Variants in MTARC2 observed in about 807,000 individuals in gnomAD.
MTARC2 encodes the protein MOCO sulphurase C-terminal domain containing 2.
In MTARC2, 27 loss-of-function variants were observed where a neutral mutation model predicts 35.6. That is an observed-to-expected ratio of 0.76 (90% CI 0.56 to 1.04). The LOEUF (loss-of-function observed/expected upper bound fraction) is 1.04. Ranked by LOEUF, MTARC2 falls within the 50% of genes least tolerant of loss-of-function variation. The pLI is 0.00. For synonymous variants in MTARC2, 158 were observed against 167.1 expected, an observed-to-expected ratio of 0.95 and a Z score of 0.42; for missense variants, 412 against 432.5, an observed-to-expected ratio of 0.95 and a Z score of 0.42.
intron 1 of MTARC2, 84 bp downstream of exon 1, chr1:220,748,887 G>A: frequency 2.8e-6 from 4 of 1,432,748 alleles, no homozygotes; most frequent in East Asian, 2.8e-5. Flanking sequence ...ATCTATCTGG[G>A]AAGGACTATA....
At chr1:220,758,423 C>CT (rs35433433) in intron 2 of MTARC2, among the ~76,000 whole-genome samples, 19,830 of 143,174 alleles carry the variant, frequency 0.14, 1,695 homozygotes, top group East Asian at 0.25. Flanking sequence ...TAATTATTAC[C>CT]TTTTTTTTTT....
chr1:220,776,699 GACTA>G, intron 4 of MTARC2, among the ~76,000 whole-genome samples: 1 of 152,258 alleles, frequency 6.6e-6, no homozygotes, highest in South Asian at 2.1e-4. Context: ...GAGAATAGAT[GACTA>G]ACTGAATTTG....
intron 4 of MTARC2, among the ~76,000 whole-genome samples, chr1:220,773,987 A>C (rs1439837480): frequency 6.6e-6 from 1 of 151,962 alleles, no homozygotes; most frequent in Non-Finnish European, 1.5e-5. Flanking sequence ...ACACACACAC[A>C]CATATAAAAT....
chr1:220,780,318 G>A (rs1367631367), intron 6 of MTARC2, 79 bp downstream of exon 6: 18 of 1,253,562 alleles, frequency 1.4e-5, no homozygotes, highest in Non-Finnish European at 1.7e-5. Flanking sequence ...TGCTATGTCT[G>A]CTTTAGGGAA....
At chr1:220,769,892 C>T (rs1671691296) in intron 4 of MTARC2, among the ~76,000 whole-genome samples, 1 of 130,338 alleles carries the variant, frequency 7.7e-6, no homozygotes, top group African/African-American at 2.9e-5. Context: ...AGATCGAGAC[C>T]ATCCTGGCTA....
intron 4 of MTARC2, among the ~76,000 whole-genome samples, chr1:220,771,148 A>C (rs1251279876): frequency 1.3e-5 from 2 of 152,046 alleles, no homozygotes; most frequent in African/African-American, 2.4e-5. Context: ...AAAATACGAA[A>C]ATTAGCTAGG....
intron 4 of MTARC2, among the ~76,000 whole-genome samples, chr1:220,764,774 TAA>T (rs199669863): frequency 3.4e-5 from 5 of 145,758 alleles, no homozygotes; most frequent in Non-Finnish European, 1.5e-5. Context: ...CCTGTGTATT[TAA>T]AAAAAAAAAA....
chr1:220,781,902 T>G lies in MTARC2; in HGVS notation c.*1T>G, dbSNP rs201650669. On this transcript the variant is annotated 3_prime_UTR_variant, in exon 7 of 8. Coordinates refer to ENST00000366913, the MANE Select transcript of MTARC2 (RefSeq NM_017898.5). ...TGACCCTGTGTATCGGATGGTGTAG[T>G]GATGAGTGATGGATCCACTAGGGTG... 13 of 1,614,088 alleles carry G rather than the reference T, an allele frequency of 8.1e-6. No individual in the cohort carries two copies. The highest frequency in any genetic ancestry group is 3.3e-4 in the Middle Eastern group (2 of 6,062).
chr1:220,750,759 A>G (rs756423097), intron 1 of MTARC2, among the ~76,000 whole-genome samples: 3 of 152,226 alleles, frequency 2.0e-5, no homozygotes, highest in Non-Finnish European at 4.4e-5. Context: ...CAAATAAGGA[A>G]ACAGTATCAG....
chr1:220,777,612 A>G (rs1671954037), intron 4 of MTARC2, among the ~76,000 whole-genome samples: 1 of 152,220 alleles, frequency 6.6e-6, no homozygotes, highest in Non-Finnish European at 1.5e-5. Context: ...TGGAGGCAGT[A>G]GTGAGGCCCC....
intron 1 of MTARC2, 53 bp downstream of exon 1, chr1:220,748,856 C>A (rs962688080): frequency 2.0e-6 from 3 of 1,490,448 alleles, no homozygotes; most frequent in Middle Eastern, 4.1e-4. Context: ...GGATGAGGAG[C>A]GGGGGGGCAG....
intron 2 of MTARC2, among the ~76,000 whole-genome samples, chr1:220,759,434 G>A (rs902856996): frequency 6.6e-6 from 1 of 152,164 alleles, no homozygotes; most frequent in African/African-American, 2.4e-5. Context: ...ATGGCAGAGG[G>A]AGCGATACCA....
rs568995654 is a variant in MTARC2 at position 220,773,171 on chromosome 1, C to T, written c.751-6847C>T. Among the ~76,000 whole-genome samples, 3 of 152,244 alleles carry T rather than the reference C, an allele frequency of 2.0e-5. No homozygotes were observed. In the South Asian group the frequency reaches 6.2e-4, roughly 32 times the overall value. On this transcript the variant is annotated intron_variant, in intron 4 of 7. Transcript: ENST00000366913. ...TTTCAGCCCCACCCAGCCCTGATCT[C>T]AGGGGAAGGGAGAGGGGCTGGAGGT...
chr1:220,780,292 T>A lies in MTARC2; in HGVS notation c.884+53T>A. 9 of 1,491,214 alleles carry A rather than the reference T, an allele frequency of 6.0e-6. No homozygotes were observed. In the Admixed American group the frequency reaches 1.6e-4, roughly 26 times the overall value. The allele number at this position is 1,491,214 out of a possible 1,614,324, so 92.4% of individuals were successfully genotyped here. On this transcript the variant is annotated intron_variant, in intron 6 of 7. Transcript: ENST00000366913. ...TTAAATATTATCTCCACCCCAGAAC[T>A]ACCTATGGGTTTAGGTGCTATGTCT...
chr1:220,763,245 G>C (rs940219894), intron 4 of MTARC2, among the ~76,000 whole-genome samples, 195 bp downstream of exon 4: 2 of 152,088 alleles, frequency 1.3e-5, no homozygotes, highest in African/African-American at 4.8e-5. Context: ...GGGGGGCGTT[G>C]CTCTCACCCG....
chr1:220,771,053 C>T (rs1011818795), intron 4 of MTARC2, among the ~76,000 whole-genome samples: 1 of 152,148 alleles, frequency 6.6e-6, no homozygotes, highest in African/African-American at 2.4e-5. Context: ...AATCCCAGCA[C>T]TTTGGGAGGC....
intron 4 of MTARC2, among the ~76,000 whole-genome samples, chr1:220,773,252 C>T (rs1671794061): frequency 6.6e-6 from 1 of 152,096 alleles, no homozygotes; most frequent in Admixed American, 6.5e-5. Flanking sequence ...GAAATGAAAC[C>T]TCCAAAAAAC....
chr1:220,749,427 C>CTTTTT (rs60380640), intron 1 of MTARC2, among the ~76,000 whole-genome samples: 1 of 98,708 alleles, frequency 1.0e-5, no homozygotes, highest in Non-Finnish European at 2.1e-5. Flanking sequence ...ATGCCTTCTT[C>CTTTTT]TTTTTTTTTT....
intron 4 of MTARC2, among the ~76,000 whole-genome samples, chr1:220,769,934 C>CAAAAAAAAAAAAAAAAAAAAAAAAA (rs57739324): frequency 3.2e-5 from 2 of 63,416 alleles, no homozygotes; most frequent in Non-Finnish European, 5.6e-5. Context: ...ACTAAAAATA[C>CAAAAAAAAAAAAAAAAAAAAAAAAA]AAAAAAAAAA....
Sources: gnomAD v4.1 joint callset for allele counts (sites outside exome capture counted in the v4.1 genomes callset) on GRCh38, gnomAD v4.1.1 for gene constraint, MANE v1.5 for transcripts, NCBI Gene and HGNC (gene_info 2026-07-23, HGNC 2026-07-21) for gene names.